The following PSMD11 variants were observed in gnomAD, a reference collection of about 807,000 sequenced individuals.
The protein encoded by PSMD11 is proteasome 26S subunit, non-ATPase 11, also known as 26S proteasome non-ATPase regulatory subunit 11.
A neutral mutation model predicts 62.3 loss-of-function variants in PSMD11; 5 were observed. The ratio of observed to expected loss-of-function variants is 0.08; its 90% confidence interval spans 0.04 to 0.17. The LOEUF (loss-of-function observed/expected upper bound fraction) is 0.17. Among genes scored for constraint, PSMD11 ranks in the 10% least tolerant of loss-of-function variants. The pLI is 1.00. For missense variants in PSMD11, 310 were observed against 512.9 expected, an observed-to-expected ratio of 0.60 and a Z score of 3.82; for synonymous variants, 191 against 191.8, an observed-to-expected ratio of 1.00 and a Z score of 0.03.
At chr17:32,474,260 T>A (rs576250083) in intron 7 of PSMD11, among the ~76,000 whole-genome samples, 4 of 152,186 alleles carry the variant, frequency 2.6e-5, no homozygotes, top group Non-Finnish European at 5.9e-5. Context: ...AGCTTACAGA[T>A]CAGCCAGTAA....
intron 1 of PSMD11, chr17:32,445,006 G>T (rs1022860221): frequency 8.3e-6 from 2 of 240,670 alleles, no homozygotes; most frequent in African/African-American, 4.6e-5. Flanking sequence ...TACTTGAAAG[G>T]CCTTGGCGAA....
chr17:32,472,145 G>C (rs1351303925), intron 6 of PSMD11, among the ~76,000 whole-genome samples: 1 of 152,164 alleles, frequency 6.6e-6, no homozygotes, highest in East Asian at 1.9e-4. Context: ...TGAGATTACA[G>C]ATGTGAGCCA....
At position 32,479,379 on chromosome 17, in the gene PSMD11, G is replaced by A; in HGVS notation, c.1038+3G>A. ...TTGAGCCTTTTTCCAGAGTACAGGT[G>A]AGAACCCTCTGGGGACTCCATTTCT... On this transcript the variant is annotated splice_donor_region_variant and intron_variant, in intron 10 of 13. Coordinates refer to ENST00000261712, the MANE Select transcript of PSMD11 (RefSeq NM_002815.4). 1.2e-6 allele frequency: 2 copies of A among 1,614,028 alleles called. No individual in the cohort carries two copies. Among genetic ancestry groups the A allele is most frequent in the African/African-American group, 1.3e-5 (1 of 75,042 alleles).
chr17:32,449,870 C>T (rs911149013), intron 2 of PSMD11, among the ~76,000 whole-genome samples: 4 of 152,126 alleles, frequency 2.6e-5, no homozygotes, highest in African/African-American at 9.7e-5. Context: ...TAGCATTGTG[C>T]TAAGTATTCT....
At chr17:32,454,334 C>T (rs1907589483) in intron 2 of PSMD11, among the ~76,000 whole-genome samples, 161 bp from the exon 3 acceptor site, 1 of 152,110 alleles carries the variant, frequency 6.6e-6, no homozygotes, top group South Asian at 2.1e-4. Context: ...TTTTGCTATT[C>T]TGCTATTTGC....
At chr17:32,463,931 A>C in intron 3 of PSMD11, 118 bp from the exon 4 acceptor site, 1 of 934,392 alleles carries the variant, frequency 1.1e-6, no homozygotes, top group Non-Finnish European at 1.7e-6. Flanking sequence ...TGGATCAGAC[A>C]CTAAATAGAG....
At chr17:32,470,283 G>T (rs539474187) in intron 6 of PSMD11, among the ~76,000 whole-genome samples, 4 of 151,978 alleles carry the variant, frequency 2.6e-5, no homozygotes, top group Admixed American at 2.6e-4. Context: ...GGGATTATAG[G>T]CATGAGCCAC....
At chr17:32,476,005 T>C (rs1460470216) in intron 8 of PSMD11, among the ~76,000 whole-genome samples, 22 of 152,012 alleles carry the variant, frequency 1.4e-4, no homozygotes, top group Non-Finnish European at 2.9e-5. Context: ...GGCTCATGCC[T>C]GTAATCCCAG....
intron 7 of PSMD11, 138 bp downstream of exon 7, chr17:32,474,083 TA>T: frequency 9.7e-7 from 1 of 1,031,926 alleles, no homozygotes; most frequent in Non-Finnish European, 1.4e-6. Flanking sequence ...CTGGCTAAGG[TA>T]GAGCGGGAGG....
At chr17:32,469,533 T>C (rs549910213) in intron 6 of PSMD11, among the ~76,000 whole-genome samples, 7 of 152,280 alleles carry the variant, frequency 4.6e-5, no homozygotes, top group African/African-American at 1.7e-4. Context: ...TGTTGACTCT[T>C]GGAGATCTTT....
Position 32,482,111 on chromosome 17 carries a change from GATT to G in PSMD11, c.*1362_*1364del, listed in dbSNP as rs1194737742. Reference sequence around the variant, plus strand: ...CTTTTCTCTTTCTTTACCTTCCTTGGATTATCCTTCCAGGTTTTCATAATAAAT... The same window carrying G: ...CTTTTCTCTTTCTTTACCTTCCTTGGATCCTTCCAGGTTTTCATAATAAAT... On this transcript the variant is annotated 3_prime_UTR_variant, in exon 14 of 14. Coordinates refer to ENST00000261712, the MANE Select transcript of PSMD11 (RefSeq NM_002815.4). 2.0e-5 allele frequency: 3 copies of G among 151,180 alleles called. No individual in the cohort carries two copies. The highest frequency in any genetic ancestry group is 4.4e-5 in the Non-Finnish European group (3 of 67,880). 9.4% of individuals were successfully genotyped at this position (151,180 alleles called of 1,614,324 possible).
chr17:32,476,195 G>T (rs1167067793), intron 8 of PSMD11, among the ~76,000 whole-genome samples: 2 of 152,094 alleles, frequency 1.3e-5, no homozygotes, highest in Admixed American at 1.3e-4. Context: ...TTCAAACGGG[G>T]AGTGGAAGTT....
chr17:32,479,539 G>A, intron 10 of PSMD11, 163 bp downstream of exon 10: 3 of 1,053,002 alleles, frequency 2.8e-6, no homozygotes, highest in South Asian at 3.3e-5. Flanking sequence ...AAAAATCGAG[G>A]AGAGAGATGC....
chr17:32,480,211 A>ACACAGG lies in PSMD11; in HGVS notation c.1126+17_1126+22dup. 1 of 1,609,256 alleles carries ACACAGG rather than the reference A, an allele frequency of 6.2e-7. No homozygotes were observed. The highest frequency in any genetic ancestry group is 8.5e-7 in the Non-Finnish European group (1 of 1,175,558). ...AGAAATTTCATGGTAAGTAACAGTC[A>ACACAGG]CACAGGCAAGGGGGCTGGTGGTGGT... On this transcript the variant is annotated intron_variant, in intron 12 of 13. Coordinates refer to ENST00000261712, the MANE Select transcript of PSMD11 (RefSeq NM_002815.4).
At chr17:32,463,279 G>T (rs1441697722) in intron 3 of PSMD11, 2 of 152,202 alleles carry the variant, frequency 1.3e-5, no homozygotes, top group African/African-American at 2.4e-5. Flanking sequence ...GCAGATAGTA[G>T]TAGGGGTTCA....
At chr17:32,444,685 G>A in intron 1 of PSMD11, 71 bp downstream of exon 1, 1 of 1,577,880 alleles carries the variant, frequency 6.3e-7, no homozygotes, top group South Asian at 1.1e-5. Context: ...CGGCAGCGGA[G>A]AGGGGCCCGG....
chr17:32,474,927 C>T, intron 8 of PSMD11, 103 bp downstream of exon 8: 2 of 1,013,710 alleles, frequency 2.0e-6, no homozygotes, highest in Non-Finnish European at 3.1e-6. Flanking sequence ...TCATACTACT[C>T]TCTTCCTTCT....
intron 1 of PSMD11, 119 bp downstream of exon 1, chr17:32,444,733 G>GGGGCC: frequency 7.7e-7 from 1 of 1,305,284 alleles, no homozygotes. Context: ...CTGTGTGAGG[G>GGGGCC]GGGCCGGGCC....
chr17:32,468,870 G>A (rs1037172815), intron 5 of PSMD11, 129 bp from the exon 6 acceptor site: 1 of 824,586 alleles, frequency 1.2e-6, no homozygotes, highest in African/African-American at 1.8e-5. Flanking sequence ...ATGGGGTCTA[G>A]AGGTAACCTT....
Sources: gnomAD v4.1 joint callset for allele counts (sites outside exome capture counted in the v4.1 genomes callset) on GRCh38, gnomAD v4.1.1 for gene constraint, MANE v1.5 for transcripts, NCBI Gene and HGNC (gene_info 2026-07-23, HGNC 2026-07-21) for gene names.